Variants in KDM6A observed in about 807,000 individuals in gnomAD.
KDM6A encodes the protein lysine demethylase 6A, also known as lysine-specific demethylase 6A.
KDM6A carries 11 observed loss-of-function variants against 117.6 expected under a neutral mutation model. That is an observed-to-expected ratio of 0.09 (90% CI 0.06 to 0.15). The LOEUF (loss-of-function observed/expected upper bound fraction) is 0.15, where lower values mean the gene tolerates loss of function less well. KDM6A is among the 10% of genes least tolerant of loss of function. The probability of loss-of-function intolerance (pLI) is 1.00; values close to 1 mark genes in which losing one functional copy is unlikely to be tolerated. For synonymous variants in KDM6A, 384 were observed against 396.1 expected, an observed-to-expected ratio of 0.97 and a Z score of 0.36; for missense variants, 799 against 1,077.3, an observed-to-expected ratio of 0.74 and a Z score of 3.62.
intron 2 of KDM6A, among the ~76,000 whole-genome samples, chrX:44,912,287 C>T (rs921785934): frequency 2.7e-5 from 3 of 110,232 alleles, no homozygotes; most frequent in African/African-American, 9.9e-5. Context: ...ACGGGTTTCT[C>T]CATGTTGGTC....
rs190691443 is a variant in KDM6A, at chrX:44,981,952, T to A, written c.384+7237T>A. 4.0e-3 allele frequency among the ~76,000 whole-genome samples: 443 copies of A among 112,052 alleles called. 7 individuals are homozygous for A. Among genetic ancestry groups the A allele is most frequent in the African/African-American group, 0.014 (424 of 30,876 alleles). ...TACAAAAATTAGCTGGGTGTGGTAG[T>A]GCTTCCTTGTAATCCCAGCTACTGG... On this transcript the variant is annotated intron_variant, in intron 4 of 29. Coordinates refer to ENST00000611820, the MANE Select transcript of KDM6A (RefSeq NM_001291415.2).
chrX:44,899,184 C>T (rs2034144316), intron 2 of KDM6A, among the ~76,000 whole-genome samples: 1 of 84,479 alleles, frequency 1.2e-5, no homozygotes, highest in Non-Finnish European at 2.2e-5. Flanking sequence ...TCCACTGAAA[C>T]TGTGGAGGGA....
intron 28 of KDM6A, among the ~76,000 whole-genome samples, chrX:45,108,797 T>A (rs1320998518): frequency 2.0e-5 from 2 of 98,877 alleles, no homozygotes; most frequent in South Asian, 1.0e-3. Context: ...CCATAAAAAA[T>A]GATGAGTTCA....
chrX:44,978,811 C>G (rs1179811897), intron 4 of KDM6A, among the ~76,000 whole-genome samples: 1 of 111,699 alleles, frequency 9.0e-6, no homozygotes, highest in African/African-American at 3.3e-5. Context: ...TTAGTTTTGT[C>G]TGTTCTGGAA....
intron 8 of KDM6A, among the ~76,000 whole-genome samples, chrX:45,042,400 A>G (rs912826589): frequency 9.1e-6 from 1 of 109,402 alleles, no homozygotes; most frequent in Non-Finnish European, 1.9e-5. Context: ...TGACACTGTA[A>G]GTATATGAAA....
chrX:44,941,457 G>A (rs961945121), intron 2 of KDM6A, among the ~76,000 whole-genome samples: 1 of 105,680 alleles, frequency 9.5e-6, no homozygotes. Context: ...CTCTTCCATC[G>A]TTGTATATAT....
intron 8 of KDM6A, among the ~76,000 whole-genome samples, chrX:45,044,885 C>T (rs1460765972): frequency 9.0e-6 from 1 of 110,500 alleles, no homozygotes. Context: ...AATATATTAC[C>T]AAAACACTAT....
At position 45,063,496 on chromosome X, in the gene KDM6A, T is replaced by C. The variant is rs775605274; in HGVS notation, c.1758T>C (p.Pro586=). 8.3e-7 allele frequency: 1 copy of C among 1,210,941 alleles called. No individual in the cohort carries two copies. Among genetic ancestry groups the C allele is most frequent in the Non-Finnish European group, 1.1e-6 (1 of 895,180 alleles). The change falls in exon 17 of 30, where the codon CCT becomes CCC. Residue 586 remains proline, a synonymous_variant. Transcript: ENST00000611820. ...GGCCAACAGCTGACTCATCACTGCC[T>C]ACAAACTCAGTCTCTGGCCAGCAGC... ...PNGPTADSSL[P]TNSVSGQQPQ... is the part of the protein sequence containing the mutation.
At chrX:45,093,728 C>T (rs148554938) in intron 27 of KDM6A, among the ~76,000 whole-genome samples, 5,155 of 110,925 alleles carry the variant, frequency 0.046, 316 homozygotes, top group African/African-American at 0.16. Flanking sequence ...CCTCAATATT[C>T]TTGATACCCT....
chrX:45,066,840 C>G, intron 17 of KDM6A, among the ~76,000 whole-genome samples: 1 of 112,008 alleles, frequency 8.9e-6, no homozygotes, highest in East Asian at 2.8e-4. Context: ...TGTAATTTAC[C>G]ATACTAAGTA....
At chrX:45,053,229 C>T (rs1167182939) in intron 9 of KDM6A, among the ~76,000 whole-genome samples, 1 of 110,816 alleles carries the variant, frequency 9.0e-6, no homozygotes, top group South Asian at 3.8e-4. Flanking sequence ...ATCAGAAGAT[C>T]AAGACCATCT....
intron 3 of KDM6A, among the ~76,000 whole-genome samples, chrX:44,966,363 G>T (rs1428321429): frequency 1.8e-5 from 2 of 110,355 alleles, no homozygotes; most frequent in African/African-American, 3.3e-5. Context: ...GGCTAGTCTT[G>T]AACCCCTGGG....
At chrX:45,046,401 A>G (rs1479576829) in intron 8 of KDM6A, among the ~76,000 whole-genome samples, 1 of 111,878 alleles carries the variant, frequency 8.9e-6, no homozygotes, top group Non-Finnish European at 1.9e-5. Context: ...GAAGATGCCT[A>G]CTATTTCCAT....
At chrX:45,027,387 A>C (rs771173779) in intron 6 of KDM6A, among the ~76,000 whole-genome samples, 1 of 107,126 alleles carries the variant, frequency 9.3e-6, no homozygotes, top group East Asian at 2.9e-4. Flanking sequence ...CTCTTAAAGA[A>C]AAAGTTATTA....
chrX:44,966,535 A>G (rs1196193400), intron 3 of KDM6A, among the ~76,000 whole-genome samples: 1 of 111,008 alleles, frequency 9.0e-6, no homozygotes, highest in African/African-American at 3.3e-5. Context: ...TGTGGCAACT[A>G]GACTGTGTTA....
At chrX:45,053,037 T>G (rs1368183800) in intron 9 of KDM6A, among the ~76,000 whole-genome samples, 1 of 111,490 alleles carries the variant, frequency 9.0e-6, no homozygotes, top group Non-Finnish European at 1.9e-5. Flanking sequence ...TCAGGGCCAG[T>G]GAGGTAGGAT....
At chrX:45,085,393 G>A (rs2045600597) in intron 24 of KDM6A, among the ~76,000 whole-genome samples, 1 of 111,727 alleles carries the variant, frequency 9.0e-6, no homozygotes, top group Admixed American at 9.5e-5. Flanking sequence ...AACTTACTAT[G>A]GGTTTATCAG....
chrX:44,944,307 G>A (rs1238131444), intron 2 of KDM6A, among the ~76,000 whole-genome samples: 2 of 111,576 alleles, frequency 1.8e-5, no homozygotes, highest in African/African-American at 6.5e-5. Context: ...AGCCGAAGTT[G>A]CCCCATTGCA....
At chrX:45,082,958 AT>A (rs2045483603) in intron 23 of KDM6A, among the ~76,000 whole-genome samples, 169 bp downstream of exon 23, 1 of 110,053 alleles carries the variant, frequency 9.1e-6, no homozygotes, top group African/African-American at 3.3e-5. Context: ...AAATTTTAAA[AT>A]TTTTTTTTAA....
Sources: gnomAD v4.1 joint callset for allele counts (sites outside exome capture counted in the v4.1 genomes callset) on GRCh38, gnomAD v4.1.1 for gene constraint, MANE v1.5 for transcripts, NCBI Gene and HGNC (gene_info 2026-07-23, HGNC 2026-07-21) for gene names.